The following METTL6 variants were observed in gnomAD, a reference collection of about 807,000 sequenced individuals.
METTL6 encodes the protein tRNA N(3)-cytidine methyltransferase METTL6.
A neutral mutation model predicts 26.4 loss-of-function variants in METTL6; 22 were observed. The observed-to-expected ratio is 0.83, with a 90% CI of 0.59 to 1.19. The LOEUF (loss-of-function observed/expected upper bound fraction) is 1.19. Among genes scored for constraint, METTL6 ranks in the 50% most tolerant of loss-of-function variants. The pLI is 0.00. For missense variants in METTL6, 304 were observed against 324.8 expected, an observed-to-expected ratio of 0.94 and a Z score of 0.49; for synonymous variants, 109 against 116.2, an observed-to-expected ratio of 0.94 and a Z score of 0.40.
At chr3:15,408,728 C>T (rs560463303), downstream of METTL6, among the ~76,000 whole-genome samples, 8 of 152,198 alleles carry the variant, frequency 5.3e-5, no homozygotes, top group South Asian at 1.5e-3. Flanking sequence ...GCATATACCA[C>T]CATACCTGGC....
exon 7 of METTL6, chr3:15,384,103 A>G (rs760321449): frequency 7.4e-6 from 3 of 406,496 alleles, no homozygotes; most frequent in South Asian, 5.2e-5. Context: ...TCATACTGGA[A>G]GATTATTTTC....
At chr3:15,384,767 T>G (rs1699149937) in intron 6 of METTL6, among the ~76,000 whole-genome samples, 1 of 152,182 alleles carries the variant, frequency 6.6e-6, no homozygotes, top group Non-Finnish European at 1.5e-5. Flanking sequence ...TGGATAGGGT[T>G]GAGTTTTTGA....
Position 15,415,778 on chromosome 3 carries a change from A to G in METTL6, c.525T>C (p.Ile175=). The change falls in exon 4 of 6, where the codon ATT becomes ATC. Residue 175 remains isoleucine, a synonymous_variant. Coordinates refer to ENST00000383790, the MANE Select transcript of METTL6 (RefSeq NM_152396.4). ...PDKMHLVLQN[I]YKVLKPGKSV... is the part of the protein sequence containing the mutation. ...CAGGCCCCAAATCACTAACCTTGTA[A>G]ATGTTTTGTAAGACAAGGTGCATCT... 1 of 1,613,606 alleles carries G rather than the reference A, an allele frequency of 6.2e-7. No individual in the cohort carries two copies. The highest frequency in any genetic ancestry group is 8.5e-7 in the Non-Finnish European group (1 of 1,179,770).
intron 3 of METTL6, among the ~76,000 whole-genome samples, chr3:15,417,316 G>A (rs1227254594): frequency 6.6e-6 from 1 of 152,098 alleles, no homozygotes; most frequent in Non-Finnish European, 1.5e-5. Flanking sequence ...TTAGCTGGGC[G>A]TGGTGACCCG....
At chr3:15,415,043 AAAAC>A (rs35827445) in intron 4 of METTL6, 83 of 759,064 alleles carry the variant, frequency 1.1e-4, no homozygotes, top group South Asian at 2.6e-4. Context: ...GTCTCTTAAA[AAAAC>A]AAACAAACAA....
intron 3 of METTL6, among the ~76,000 whole-genome samples, chr3:15,424,032 C>A (rs923122000): frequency 2.6e-5 from 4 of 152,060 alleles, no homozygotes; most frequent in Admixed American, 2.0e-4. Context: ...CATAGTGAGA[C>A]CCCATCTCTA....
rs575876780 is a variant in METTL6 at position 15,409,945 on chromosome 3, C to T, written c.*1311G>A. The stretch of plus-strand genomic sequence containing the variant: ...TTTTAGTCTACTTGGCCTCATTTTT[C>T]CCCATGGTTGTCTGACATGTTGCCT... On this transcript the variant is annotated 3_prime_UTR_variant, in exon 6 of 6. Transcript: ENST00000383790. Among the ~76,000 whole-genome samples the T allele has an allele frequency of 6.6e-6, 1 of 152,120 alleles. No individual in the cohort carries two copies. The highest frequency in any genetic ancestry group is 2.4e-5 in the African/African-American group (1 of 41,406).
At chr3:15,408,130 G>A (rs1474900784), downstream of METTL6, among the ~76,000 whole-genome samples, 1 of 151,982 alleles carries the variant, frequency 6.6e-6, no homozygotes. Context: ...ACTTTTTTGG[G>A]GAGAATTTTA....
intron 5 of METTL6, 67 bp from the exon 6 acceptor site, chr3:15,411,504 G>C: frequency 4.7e-6 from 7 of 1,479,884 alleles, no homozygotes; most frequent in Non-Finnish European, 6.4e-6. Context: ...CAGTCCTTGA[G>C]GAGGGATAGA....
intron 6 of METTL6, among the ~76,000 whole-genome samples, chr3:15,388,920 C>G (rs1171306665): frequency 1.4e-4 from 22 of 152,142 alleles, no homozygotes; most frequent in Admixed American, 1.4e-3. Flanking sequence ...TTGGTTCAGT[C>G]AGATCTCTTT....
chr3:15,410,867 C>G lies in METTL6; in HGVS notation c.*389G>C, dbSNP rs1214464165. 6.1e-6 allele frequency: 1 copy of G among 162,748 alleles called. No homozygotes were observed. Among genetic ancestry groups the G allele is most frequent in the Admixed American group, 6.1e-5 (1 of 16,390 alleles). The allele number at this position is 162,748 out of a possible 1,614,324, so 10.1% of individuals were successfully genotyped here. On this transcript the variant is annotated 3_prime_UTR_variant, in exon 6 of 6. Coordinates refer to ENST00000383790, the MANE Select transcript of METTL6 (RefSeq NM_152396.4). ...CAGCCTGCGTACCACAAGATCCTGT[C>G]TCAAAAAATATATAAAGTAAAAAGA...
chr3:15,407,084 T>A (rs1165098602), downstream of METTL6, among the ~76,000 whole-genome samples: 1 of 152,188 alleles, frequency 6.6e-6, no homozygotes, highest in Non-Finnish European at 1.5e-5. Context: ...TGGCACAACC[T>A]GGGCTCACTG....
chr3:15,390,648 G>C (rs917442582), intron 6 of METTL6, among the ~76,000 whole-genome samples: 6 of 152,318 alleles, frequency 3.9e-5, no homozygotes, highest in East Asian at 1.9e-4. Context: ...GGCAGGAGCA[G>C]GCTCGGTGCA....
At chr3:15,413,315 C>T (rs1700051607) in intron 5 of METTL6, among the ~76,000 whole-genome samples, 2 of 152,104 alleles carry the variant, frequency 1.3e-5, no homozygotes, top group Non-Finnish European at 2.9e-5. Context: ...TGACTAACAC[C>T]TGTAATCCCA....
intron 6 of METTL6, chr3:15,384,191 A>C (rs1268239199): frequency 5.4e-6 from 2 of 367,088 alleles, no homozygotes; most frequent in Non-Finnish European, 1.0e-5. Context: ...TTGAGACCTG[A>C]AAAAGAAACA....
chr3:15,425,056 C>T lies in METTL6; in HGVS notation c.259G>A (p.Gly87Ser). The T allele has an allele frequency of 6.2e-7, 1 of 1,614,178 alleles. No homozygotes were observed. Among genetic ancestry groups the T allele is most frequent in the Non-Finnish European group, 8.5e-7 (1 of 1,180,034 alleles). ...AATAAACAGTTTCCAACCCCACAGC[C>T]AGCTTCAAGCATTGTTAACTTTTGA... ...EDQKLTMLEA[G>S]CGVGNCLFPL... is the part of the protein sequence containing the mutation. The change falls in exon 3 of 6, where the codon GGC becomes AGC. Residue 87 changes from glycine (G) to serine (S), a missense_variant. Coordinates refer to ENST00000383790, the MANE Select transcript of METTL6 (RefSeq NM_152396.4).
chr3:15,411,049 T>C lies in METTL6; in HGVS notation c.*207A>G, dbSNP rs1354428134. On this transcript the variant is annotated 3_prime_UTR_variant, in exon 6 of 6. Coordinates refer to ENST00000383790, the MANE Select transcript of METTL6 (RefSeq NM_152396.4). ...CTGGGATTACAGGCACTCGCCACTATGCCCAGCTAATTTTTTTGTATTTTT... is the reference window on the plus strand; with the variant it reads ...CTGGGATTACAGGCACTCGCCACTACGCCCAGCTAATTTTTTTGTATTTTT... 1 of 489,170 alleles carries C rather than the reference T, an allele frequency of 2.0e-6. No homozygotes were observed. The highest frequency in any genetic ancestry group is 2.0e-5 in the African/African-American group (1 of 50,504). 30.3% of individuals were successfully genotyped at this position (489,170 alleles called of 1,614,324 possible).
chr3:15,403,696 G>C (rs1699709243), intron 6 of METTL6, among the ~76,000 whole-genome samples: 1 of 152,198 alleles, frequency 6.6e-6, no homozygotes, highest in Admixed American at 6.5e-5. Flanking sequence ...GACCCCAAGA[G>C]AGGGTTCTTG....
chr3:15,381,873 C>G (rs78239195), exon 7 of METTL6: 137 of 151,672 alleles, frequency 9.0e-4, no homozygotes, highest in African/African-American at 3.2e-3. Flanking sequence ...AGGAAACAAT[C>G]CTACAAATTG....
Sources: allele counts gnomAD v4.1 joint callset (sites outside exome capture counted in the v4.1 genomes callset), GRCh38; gene constraint gnomAD v4.1.1; transcripts MANE v1.5; gene names NCBI Gene and HGNC (gene_info 2026-07-23, HGNC 2026-07-21).